The following CAPN8 variants were observed in gnomAD, a reference collection of about 807,000 sequenced individuals.
CAPN8 encodes calpain-8.
In CAPN8, 87 loss-of-function variants were observed where a neutral mutation model predicts 80.9. The observed-to-expected ratio is 1.07, with a 90% CI of 0.90 to 1.28. CAPN8 has a LOEUF of 1.28. Ranked by LOEUF, CAPN8 falls within the 50% of genes most tolerant of loss-of-function variation. The probability of loss-of-function intolerance (pLI) is 0.00; values close to 1 mark genes in which losing one functional copy is unlikely to be tolerated. For missense variants in CAPN8, 757 were observed against 702.0 expected (o/e 1.08, Z -0.89); for synonymous variants, 299 against 273.8 (o/e 1.09, Z -0.91).
chr1:223,622,910 C>T lies in CAPN8; in HGVS notation c.814-10G>A. ...GGCCCTGGAAATTCACCTGCAAATTCCATACACAGAAAAGCGACTGAATTA... is the reference window on the plus strand; with the variant it reads ...GGCCCTGGAAATTCACCTGCAAATTTCATACACAGAAAAGCGACTGAATTA... On this transcript the variant is annotated splice_polypyrimidine_tract_variant and intron_variant, in intron 6 of 20. Coordinates refer to ENST00000366872, the MANE Select transcript of CAPN8 (RefSeq NM_001143962.2). The T allele has an allele frequency of 6.5e-7, 1 of 1,549,672 alleles. No individual in the cohort carries two copies.
intron 2 of CAPN8, among the ~76,000 whole-genome samples, chr1:223,633,152 T>G (rs1657821175): frequency 6.6e-6 from 1 of 152,226 alleles, no homozygotes; most frequent in Non-Finnish European, 1.5e-5. Context: ...CCCCTATTTA[T>G]GCTTCTTGTA....
In CAPN8 at chr1:223,612,232, C is replaced by T; in HGVS notation, c.1323+14G>A. 3.2e-6 allele frequency: 4 copies of T among 1,234,274 alleles called. 1 individual carries two copies. The highest frequency in any genetic ancestry group is 8.2e-5 in the South Asian group (2 of 24,392). 76.5% of individuals were successfully genotyped at this position (1,234,274 alleles called of 1,614,324 possible). ...TCTCACCAAAGGAAGGAATCTCTGT[C>T]AGCACTCACATACCTCCTTGGGAAC... On this transcript the variant is annotated intron_variant, in intron 11 of 20. Transcript: ENST00000366872.
intron 2 of CAPN8, among the ~76,000 whole-genome samples, chr1:223,648,380 G>A (rs1254073865): frequency 6.6e-6 from 1 of 152,178 alleles, no homozygotes; most frequent in African/African-American, 2.4e-5. Context: ...GGCCCTTTAT[G>A]TTCCCTGAGG....
intron 2 of CAPN8, among the ~76,000 whole-genome samples, chr1:223,635,321 A>G (rs571391414): frequency 6.6e-6 from 1 of 152,080 alleles, no homozygotes; most frequent in East Asian, 1.9e-4. Context: ...CATTTTGACT[A>G]CCTTAAAACA....
intron 10 of CAPN8, 49 bp downstream of exon 10, chr1:223,615,921 C>T (rs1452930660): frequency 5.8e-6 from 9 of 1,546,744 alleles, no homozygotes; most frequent in Admixed American, 2.0e-5. Flanking sequence ...AGATATTCAG[C>T]CCCAAAACAT....
In CAPN8 at chr1:223,544,809, G is replaced by A. The variant is rs938042369; in HGVS notation, c.1875C>T (p.Ile625=). 7 of 1,551,534 alleles carry A rather than the reference G, an allele frequency of 4.5e-6. No individual in the cohort carries two copies. The highest frequency in any genetic ancestry group is 2.7e-5 in the African/African-American group (2 of 73,030). ...GGGCTGTCCTCATCTCGTGGGCATC[G>A]ATGGTGCCCGAGTGGTTATAATCAG... is the stretch of plus-strand genomic sequence containing the variant. ...WETDYNHSGT[I]DAHEMRTALR... The change falls in exon 18 of 21, where the codon ATC becomes ATT. Residue 625 remains isoleucine, a synonymous_variant. Transcript: ENST00000366872.
intron 2 of CAPN8, among the ~76,000 whole-genome samples, chr1:223,650,206 G>A (rs536710894): frequency 2.1e-4 from 32 of 152,250 alleles, no homozygotes; most frequent in Non-Finnish European, 3.1e-4. Context: ...GGCAGAGGTG[G>A]CCTTGGAGAG....
At chr1:223,639,640 T>A (rs1657995148) in intron 2 of CAPN8, among the ~76,000 whole-genome samples, 1 of 152,388 alleles carries the variant, frequency 6.6e-6, no homozygotes, top group South Asian at 2.1e-4. Context: ...AAGCCCACGC[T>A]GCTGCAGTGG....
Position 223,622,521 on chromosome 1 carries a change from G to C in CAPN8, c.899+294C>G, listed in dbSNP as rs1017501728. 3 of 433,616 alleles carry C rather than the reference G, an allele frequency of 6.9e-6. No homozygotes were observed. The East Asian group carries it at 1.3e-4, about 19-fold the overall frequency. 26.9% of individuals were successfully genotyped at this position (433,616 alleles called of 1,614,324 possible). ...ATCGATTTGACCTTTGGACCAGCAC[G>C]GTGCGTCAGGTAAAAAACACAAAAA... On this transcript the variant is annotated intron_variant, in intron 7 of 20. Coordinates refer to ENST00000366872, the MANE Select transcript of CAPN8 (RefSeq NM_001143962.2).
At chr1:223,615,189 T>C (rs1657134631) in intron 10 of CAPN8, among the ~76,000 whole-genome samples, 1 of 152,218 alleles carries the variant, frequency 6.6e-6, no homozygotes, top group African/African-American at 2.4e-5. Context: ...CTCTTGGTCT[T>C]CCTGATTAGA....
At chr1:223,614,272 C>A (rs1657109105) in intron 10 of CAPN8, among the ~76,000 whole-genome samples, 1 of 152,064 alleles carries the variant, frequency 6.6e-6, no homozygotes, top group South Asian at 2.1e-4. Context: ...TGGTGGCACG[C>A]ACCTGTAATC....
intron 1 of CAPN8, among the ~76,000 whole-genome samples, chr1:223,654,701 C>G (rs965213948): frequency 2.6e-5 from 4 of 151,986 alleles, no homozygotes; most frequent in Non-Finnish European, 4.4e-5. Flanking sequence ...TTTGAGACAG[C>G]GTCTCGCTTT....
Position 223,622,802 on chromosome 1 carries a change from G to GA in CAPN8, c.899+12dup, listed in dbSNP as rs746529632. On this transcript the variant is annotated intron_variant, in intron 7 of 20. Coordinates refer to ENST00000366872, the MANE Select transcript of CAPN8 (RefSeq NM_001143962.2). ...GGGAGAGATGACTGGAGAAGCGGGG[G>GA]AAAAAAACCTACTCATCGCTCCAGG... 1.0e-5 allele frequency: 16 copies of GA among 1,549,152 alleles called. No individual in the cohort carries two copies. The highest frequency in any genetic ancestry group is 3.9e-5 in the Admixed American group (2 of 50,988).
intron 6 of CAPN8, among the ~76,000 whole-genome samples, chr1:223,623,354 A>G (rs1299945754): frequency 6.6e-6 from 1 of 152,250 alleles, no homozygotes; most frequent in East Asian, 1.9e-4. Flanking sequence ...AATCCTGAGA[A>G]GATAAAGAAT....
intron 2 of CAPN8, among the ~76,000 whole-genome samples, chr1:223,641,192 C>A (rs1365159333): frequency 6.6e-6 from 1 of 152,210 alleles, no homozygotes; most frequent in African/African-American, 2.4e-5. Context: ...GTCTTGTCAT[C>A]TTTTCAGCAT....
intron 6 of CAPN8, 40 bp downstream of exon 6, chr1:223,625,762 ATAT>A: frequency 2.7e-6 from 4 of 1,488,090 alleles, no homozygotes; most frequent in Non-Finnish European, 3.7e-6. Flanking sequence ...ATTCATGGAA[ATAT>A]TATCACACGT....
intron 15 of CAPN8, among the ~76,000 whole-genome samples, chr1:223,550,285 T>A (rs1656748685): frequency 1.3e-5 from 2 of 152,238 alleles, no homozygotes; most frequent in South Asian, 2.1e-4. Flanking sequence ...GGGAAGGGTA[T>A]GACTTGGCTC....
intron 10 of CAPN8, among the ~76,000 whole-genome samples, chr1:223,612,917 C>T (rs1657068140): frequency 6.6e-6 from 1 of 152,150 alleles, no homozygotes; most frequent in Non-Finnish European, 1.5e-5. Context: ...ATCTCCTTCC[C>T]TTAATTTGGT....
rs1380775818 is a variant in CAPN8, at chr1:223,541,821, G to A, written c.*15C>T. On this transcript the variant is annotated 3_prime_UTR_variant, in exon 21 of 21. Transcript: ENST00000366872. Reference sequence around the variant, plus strand: ...CAGTGGGGCAGGGAGTGTCACTGATGTCCGAAACCCCGGGTCAGACCAACA... The same window carrying A: ...CAGTGGGGCAGGGAGTGTCACTGATATCCGAAACCCCGGGTCAGACCAACA... 3 of 1,551,428 alleles carry A rather than the reference G, an allele frequency of 1.9e-6. No homozygotes were observed. The highest frequency in any genetic ancestry group is 2.7e-5 in the African/African-American group (2 of 73,042).
Sources: allele counts gnomAD v4.1 joint callset (sites outside exome capture counted in the v4.1 genomes callset), GRCh38; gene constraint gnomAD v4.1.1; transcripts MANE v1.5; gene names NCBI Gene and HGNC (gene_info 2026-07-23, HGNC 2026-07-21).